DLGAP1: variants seen among roughly 807,000 people sequenced by gnomAD.
The protein encoded by DLGAP1 is DLG associated protein 1, also known as disks large-associated protein 1.
A neutral mutation model predicts 90.8 loss-of-function variants in DLGAP1; 11 were observed. That is an observed-to-expected ratio of 0.12 (90% CI 0.08 to 0.20). The LOEUF (loss-of-function observed/expected upper bound fraction) is 0.20, where lower values mean the gene tolerates loss of function less well. Ranked by LOEUF, DLGAP1 falls within the 10% of genes least tolerant of loss-of-function variation. The pLI is 1.00. For synonymous variants in DLGAP1, 558 were observed against 540.7 expected, an observed-to-expected ratio of 1.03 and a Z score of -0.44; for missense variants, 1,050 against 1,333.8, an observed-to-expected ratio of 0.79 and a Z score of 3.31.
chr18:3,729,961 T>C lies in DLGAP1; in HGVS notation c.1351-586A>G, dbSNP rs1466878370. Among the ~76,000 whole-genome samples, 1 of 152,216 alleles carries C rather than the reference T, an allele frequency of 6.6e-6. No homozygotes were observed. The highest frequency in any genetic ancestry group is 6.5e-5 in the Admixed American group (1 of 15,292). ...GTTAAGCTTAATTTAGTGCAAGGTATGGAAACATGCCCTATATTTTCTGGC... is the reference window on the plus strand; with the variant it reads ...GTTAAGCTTAATTTAGTGCAAGGTACGGAAACATGCCCTATATTTTCTGGC... On this transcript the variant is annotated intron_variant, in intron 6 of 12. Transcript: ENST00000315677. This position sits in a 1 kb window ranked among gnomAD's most constrained non-coding sequence, Gnocchi z 6.2.
chr18:4,014,769 G>A (rs554081966), intron 2 of DLGAP1, among the ~76,000 whole-genome samples: 2 of 152,294 alleles, frequency 1.3e-5, no homozygotes, highest in African/African-American at 4.8e-5. Context: ...TTCTGGACAA[G>A]CACCTGTTCA....
At chr18:4,331,583 T>A (rs1283751758) in intron 1 of DLGAP1, among the ~76,000 whole-genome samples, 1 of 151,698 alleles carries the variant, frequency 6.6e-6, no homozygotes, top group African/African-American at 2.4e-5. Context: ...CTGCTTTAAG[T>A]CCCCTGGTCC....
intron 1 of DLGAP1, among the ~76,000 whole-genome samples, chr18:4,366,926 G>C (rs1172584193): frequency 1.6e-5 from 2 of 122,842 alleles, no homozygotes; most frequent in Non-Finnish European, 3.2e-5. Context: ...TTATCTCACA[G>C]AAAAATTGAT....
chr18:3,866,026 TA>T (rs2070360828), intron 4 of DLGAP1, among the ~76,000 whole-genome samples: 1 of 152,190 alleles, frequency 6.6e-6, no homozygotes, highest in East Asian at 1.9e-4. Context: ...TGTGTGTTCC[TA>T]AAAAAGTCAA....
Position 4,256,004 on chromosome 18 carries a change from A to G in DLGAP1, c.-266-104717T>C, listed in dbSNP as rs552641925. Among the ~76,000 whole-genome samples the G allele has an allele frequency of 3.3e-5, 5 of 152,300 alleles. No individual in the cohort carries two copies. The East Asian group carries it at 9.6e-4, about 29-fold the overall frequency. On this transcript the variant is annotated intron_variant, in intron 1 of 12. Coordinates refer to ENST00000315677, the MANE Select transcript of DLGAP1 (RefSeq NM_004746.4). ...TGTGTAAGAACAAGGACTGAAGGGA[A>G]GCACAGAGGGCTCTGACAACTCAAG...
At chr18:4,445,073 A>G (rs2083627453) in intron 1 of DLGAP1, among the ~76,000 whole-genome samples, 2 of 152,180 alleles carry the variant, frequency 1.3e-5, no homozygotes, top group Non-Finnish European at 2.9e-5. Flanking sequence ...TAGCACCTCA[A>G]ATGTTATCAT....
Position 3,858,730 on chromosome 18 carries a change from T to C in DLGAP1, c.957+20382A>G, listed in dbSNP as rs1599025562. ...TCATAGGCAAAGGGGAATCTAGATC[T>C]AATAAACTAAAAAATTGTCTGGCAT... On this transcript the variant is annotated intron_variant, in intron 4 of 12. Transcript: ENST00000315677. 7.2e-5 allele frequency among the ~76,000 whole-genome samples: 11 copies of C among 152,216 alleles called. No homozygotes were observed. The South Asian group carries it at 2.3e-3, about 32-fold the overall frequency.
intron 1 of DLGAP1, among the ~76,000 whole-genome samples, chr18:4,431,905 C>G (rs1348546166): frequency 6.6e-6 from 1 of 152,180 alleles, no homozygotes; most frequent in African/African-American, 2.4e-5. Flanking sequence ...GTGCCACTTG[C>G]AGTAAAGATG....
chr18:4,342,987 T>C lies in DLGAP1; in HGVS notation c.-267+112019A>G, dbSNP rs1395503455. On this transcript the variant is annotated intron_variant, in intron 1 of 12. Coordinates refer to ENST00000315677, the MANE Select transcript of DLGAP1 (RefSeq NM_004746.4). The surrounding 1 kb of genome is among the most constrained non-coding windows in gnomAD (Gnocchi z 5.8). ...ATTCAGGATTGTACTGGGATAAATATAATCTAAATCATAGTTGAACACTAA... is the reference window on the plus strand; with the variant it reads ...ATTCAGGATTGTACTGGGATAAATACAATCTAAATCATAGTTGAACACTAA... Among the ~76,000 whole-genome samples the C allele has an allele frequency of 4.6e-5, 7 of 152,144 alleles. No individual in the cohort carries two copies. The highest frequency in any genetic ancestry group is 1.3e-4 in the Admixed American group (2 of 15,278).
chr18:4,212,939 G>A (rs995669334), intron 1 of DLGAP1, among the ~76,000 whole-genome samples: 5 of 152,080 alleles, frequency 3.3e-5, no homozygotes, highest in Admixed American at 3.3e-4. Flanking sequence ...ATCTAAAGAT[G>A]TACCAACAAT....
intron 10 of DLGAP1, among the ~76,000 whole-genome samples, chr18:3,533,200 G>A (rs1464155325): frequency 1.3e-5 from 2 of 152,158 alleles, no homozygotes; most frequent in Non-Finnish European, 1.5e-5. Flanking sequence ...TCAAGGCTGG[G>A]GTGAGCCATG....
chr18:4,354,082 C>T (rs961664206), intron 1 of DLGAP1, among the ~76,000 whole-genome samples: 2 of 152,186 alleles, frequency 1.3e-5, no homozygotes, highest in Admixed American at 6.5e-5. Flanking sequence ...CACATAGTTG[C>T]TGCTGTTGGG....
chr18:3,956,154 T>C (rs980590110), intron 3 of DLGAP1, among the ~76,000 whole-genome samples: 3 of 152,120 alleles, frequency 2.0e-5, no homozygotes, highest in African/African-American at 7.2e-5. Flanking sequence ...GCGATAAAGA[T>C]AAAAATCTTA....
intron 3 of DLGAP1, among the ~76,000 whole-genome samples, chr18:3,960,668 G>A (rs968805895): frequency 6.6e-6 from 1 of 152,250 alleles, no homozygotes; most frequent in Non-Finnish European, 1.5e-5. Context: ...CGAAGAATTT[G>A]CATTTCTAGT....
intron 1 of DLGAP1, among the ~76,000 whole-genome samples, chr18:4,415,057 A>G (rs2082863494): frequency 8.8e-6 from 1 of 113,934 alleles, no homozygotes; most frequent in South Asian, 2.8e-4. Context: ...ACACACATAC[A>G]CATATATATA....
Position 3,996,195 on chromosome 18 carries a change from A to G in DLGAP1, c.-73+8921T>C, listed in dbSNP as rs540290952. Among the ~76,000 whole-genome samples the G allele has an allele frequency of 2.4e-4, 37 of 152,288 alleles. No individual in the cohort carries two copies. In the South Asian group the frequency reaches 7.0e-3, roughly 29 times the overall value. ...TGGCTTTGTATTATGTTTTAATTGA[A>G]AAATATTTTAAACAAGTCAATTCTG... On this transcript the variant is annotated intron_variant, in intron 3 of 12. Coordinates refer to ENST00000315677, the MANE Select transcript of DLGAP1 (RefSeq NM_004746.4).
intron 1 of DLGAP1, among the ~76,000 whole-genome samples, chr18:4,419,243 A>T (rs2082973908): frequency 6.6e-6 from 1 of 152,178 alleles, no homozygotes; most frequent in South Asian, 2.1e-4. Context: ...TGAGAACAGC[A>T]CGGGAAAGAC....
intron 1 of DLGAP1, among the ~76,000 whole-genome samples, chr18:4,230,908 C>A (rs539012329): frequency 6.6e-6 from 1 of 151,492 alleles, no homozygotes; most frequent in African/African-American, 2.4e-5. Flanking sequence ...CTACTACATA[C>A]TCCAAAATTA....
At chr18:4,336,453 G>C (rs895950680) in intron 1 of DLGAP1, among the ~76,000 whole-genome samples, 1 of 152,180 alleles carries the variant, frequency 6.6e-6, no homozygotes, top group African/African-American at 2.4e-5. Context: ...AAGAATGAAA[G>C]AGAGGCAATG....
Sources: allele counts gnomAD v4.1 joint callset (sites outside exome capture counted in the v4.1 genomes callset), GRCh38; gene constraint gnomAD v4.1.1; non-coding constraint Gnocchi (gnomAD v3.1); transcripts MANE v1.5; gene names NCBI Gene and HGNC (gene_info 2026-07-23, HGNC 2026-07-21).